Variants in DRC11 observed in about 807,000 individuals in gnomAD.
DRC11 encodes dynein regulatory complex subunit 11, also known as IQ and AAA domain-containing protein 1.
chr2:236,387,873 G>A, the DRC11 span, among the ~76,000 whole-genome samples: 2 of 151,978 alleles, frequency 1.3e-5, no homozygotes, highest in African/African-American at 4.8e-5. Flanking sequence ...GACAAAATCT[G>A]CAGCATTTGC....
At chr2:236,459,568 T>TAAATACGTAC in the DRC11 span, among the ~76,000 whole-genome samples, 1 of 131,146 alleles carries the variant, frequency 7.6e-6, no homozygotes, top group Non-Finnish European at 1.7e-5. Context: ...TACGTATATA[T>TAAATACGTAC]GTGTATACAT....
the DRC11 span, among the ~76,000 whole-genome samples, chr2:236,468,556 T>C: frequency 1.3e-5 from 2 of 152,286 alleles, no homozygotes; most frequent in East Asian, 3.9e-4. Context: ...AAGCATGACT[T>C]TTCTTTATAT....
chr2:236,370,578 T>TG, the DRC11 span, among the ~76,000 whole-genome samples: 1 of 152,040 alleles, frequency 6.6e-6, no homozygotes, highest in African/African-American at 2.4e-5. This position sits in a 1 kb window ranked among gnomAD's most constrained non-coding sequence, Gnocchi z 5.5. Context: ...TCCTGGGAAC[T>TG]GGGGGCCTTG....
the DRC11 span, among the ~76,000 whole-genome samples, chr2:236,473,223 T>G: frequency 6.6e-6 from 1 of 152,198 alleles, no homozygotes; most frequent in Non-Finnish European, 1.5e-5. The surrounding 1 kb of genome is among the most constrained non-coding windows in gnomAD (Gnocchi z 4.8). Context: ...GATTCTTTGC[T>G]CACTTTGGCT....
the DRC11 span, among the ~76,000 whole-genome samples, chr2:236,497,702 T>C: frequency 6.6e-6 from 1 of 152,326 alleles, no homozygotes; most frequent in Non-Finnish European, 1.5e-5. The surrounding 1 kb of genome is among the most constrained non-coding windows in gnomAD (Gnocchi z 5.1). Flanking sequence ...ATCAAATAAA[T>C]AGTTTAAAAA....
At chr2:236,437,287 C>T in the DRC11 span, among the ~76,000 whole-genome samples, 9 of 137,178 alleles carry the variant, frequency 6.6e-5, no homozygotes, top group East Asian at 4.2e-4. Flanking sequence ...TTTTTTATGG[C>T]TGCATAGTAT....
the DRC11 span, among the ~76,000 whole-genome samples, chr2:236,381,230 C>T: frequency 1.3e-5 from 2 of 152,150 alleles, no homozygotes; most frequent in African/African-American, 4.8e-5. This position sits in a 1 kb window ranked among gnomAD's most constrained non-coding sequence, Gnocchi z 5.8. Flanking sequence ...CACCAGACTT[C>T]GAGTCCGCTG....
chr2:236,357,199 A>T, the DRC11 span, among the ~76,000 whole-genome samples: 3 of 118,128 alleles, frequency 2.5e-5, no homozygotes, highest in South Asian at 2.5e-4. Flanking sequence ...ATATATTATA[A>T]ATTATATTCA....
the DRC11 span, among the ~76,000 whole-genome samples, chr2:236,416,724 TATATATATATATATATATA>T: frequency 9.8e-5 from 2 of 20,494 alleles, no homozygotes; most frequent in South Asian, 1.8e-3. Flanking sequence ...TATATATTTA[TATATATATATATATATATA>T]TATATATATA....
the DRC11 span, among the ~76,000 whole-genome samples, chr2:236,499,462 T>A: frequency 3.4e-4 from 51 of 152,186 alleles, no homozygotes; most frequent in African/African-American, 1.2e-3. The surrounding 1 kb of genome is among the most constrained non-coding windows in gnomAD (Gnocchi z 4.7). Flanking sequence ...ACAGTCTCAC[T>A]CTGTCACCCA....
chr2:236,407,028 A>G, the DRC11 span, among the ~76,000 whole-genome samples: 7 of 152,036 alleles, frequency 4.6e-5, no homozygotes. Context: ...TACAGGCATG[A>G]GCCACCGCGC....
the DRC11 span, among the ~76,000 whole-genome samples, chr2:236,413,446 A>G: frequency 6.6e-6 from 1 of 152,212 alleles, no homozygotes; most frequent in African/African-American, 2.4e-5. This position sits in a 1 kb window ranked among gnomAD's most constrained non-coding sequence, Gnocchi z 4.0. Context: ...ATTCCTGATA[A>G]CTTCCTTTGG....
the DRC11 span, among the ~76,000 whole-genome samples, chr2:236,329,474 A>G: frequency 2.0e-5 from 3 of 152,232 alleles, no homozygotes; most frequent in Non-Finnish European, 4.4e-5. Context: ...GTTATCATAC[A>G]TATTCTCTCC....
the DRC11 span, among the ~76,000 whole-genome samples, chr2:236,380,255 G>A: frequency 6.6e-6 from 1 of 152,230 alleles, no homozygotes; most frequent in African/African-American, 2.4e-5. The surrounding 1 kb of genome is among the most constrained non-coding windows in gnomAD (Gnocchi z 4.9). Flanking sequence ...AGAACTCAGA[G>A]TCTCCGTATT....
the DRC11 span, among the ~76,000 whole-genome samples, chr2:236,492,250 T>C: frequency 7.2e-5 from 11 of 152,156 alleles, no homozygotes; most frequent in East Asian, 1.9e-4. Context: ...GGATGGTGTA[T>C]CAAGTTAGGC....
chr2:236,387,608 C>CT, the DRC11 span, among the ~76,000 whole-genome samples: 1 of 151,978 alleles, frequency 6.6e-6, no homozygotes, highest in Non-Finnish European at 1.5e-5. Flanking sequence ...GGTCTTGACT[C>CT]TTTATCCAAT....
At chr2:236,448,171 C>T in the DRC11 span, among the ~76,000 whole-genome samples, 1 of 152,156 alleles carries the variant, frequency 6.6e-6, no homozygotes. The surrounding 1 kb of genome is among the most constrained non-coding windows in gnomAD (Gnocchi z 5.3). Context: ...TAATCATCCC[C>T]TCAAAGCTTA....
the DRC11 span, among the ~76,000 whole-genome samples, chr2:236,387,781 G>T: frequency 6.6e-6 from 1 of 152,074 alleles, no homozygotes; most frequent in Non-Finnish European, 1.5e-5. Context: ...ATTTTGGCAT[G>T]ATTTTGCAGT....
chr2:236,441,634 A>G, the DRC11 span, among the ~76,000 whole-genome samples: 1 of 152,324 alleles, frequency 6.6e-6, no homozygotes, highest in South Asian at 2.1e-4. Context: ...CTACATTTTA[A>G]TAAAGCAGAC....
Sources: gnomAD v4.1 joint callset for allele counts (sites outside exome capture counted in the v4.1 genomes callset) on GRCh38, gnomAD v4.1.1 for gene constraint, Gnocchi (gnomAD v3.1) non-coding constraint, MANE v1.5 for transcripts, NCBI Gene and HGNC (gene_info 2026-07-23, HGNC 2026-07-21) for gene names.